Variants in RIPK1 observed in about 807,000 individuals in gnomAD.
RIPK1 encodes the protein receptor interacting serine/threonine kinase 1.
RIPK1 carries 27 observed loss-of-function variants against 62.4 expected under a neutral mutation model. The observed-to-expected ratio is 0.43, with a 90% CI of 0.32 to 0.60. RIPK1 has a LOEUF of 0.60. Ranked by LOEUF, RIPK1 falls within the 20% of genes least tolerant of loss-of-function variation. The pLI, the probability that RIPK1 is intolerant of heterozygous loss-of-function variation, is 0.07. For synonymous variants in RIPK1, 287 were observed against 303.2 expected, an observed-to-expected ratio of 0.95 and a Z score of 0.55; for missense variants, 735 against 831.0, an observed-to-expected ratio of 0.88 and a Z score of 1.42.
intron 9 of RIPK1, among the ~76,000 whole-genome samples, chr6:3,108,441 T>C (rs1760972617): frequency 6.6e-6 from 1 of 152,210 alleles, no homozygotes; most frequent in Non-Finnish European, 1.5e-5. Flanking sequence ...CAGAAAGCAC[T>C]GATTCAAGAA....
rs916038042 is a variant in RIPK1 at position 3,072,395 on chromosome 6, A to G, written c.-61+3734A>G. On this transcript the variant is annotated intron_variant, in intron 1 of 10. Transcript: ENST00000259808. This position sits in a 1 kb window ranked among gnomAD's most constrained non-coding sequence, Gnocchi z 5.6. ...CTTATATCTTTATCTATTTACATATATATATATATAAAACACACACAAATG... is the reference window on the plus strand; with the variant it reads ...CTTATATCTTTATCTATTTACATATGTATATATATAAAACACACACAAATG... Among the ~76,000 whole-genome samples the G allele has an allele frequency of 3.0e-5, 2 of 66,238 alleles. No individual in the cohort carries two copies. Among genetic ancestry groups the G allele is most frequent in the Admixed American group, 2.7e-4 (2 of 7,464 alleles). 43.5% of individuals were successfully genotyped at this position (66,238 alleles called of 152,430 possible). A position where few individuals can be genotyped will look rare whatever the true frequency, so the allele number is the denominator to read the frequency against.
intron 9 of RIPK1, among the ~76,000 whole-genome samples, chr6:3,107,042 G>A (rs540425261): frequency 3.9e-5 from 6 of 152,110 alleles, no homozygotes; most frequent in African/African-American, 1.4e-4. Flanking sequence ...CTTGAGGCCA[G>A]GAGTTCGAGA....
intron 6 of RIPK1, among the ~76,000 whole-genome samples, chr6:3,088,193 A>C (rs1759827954): frequency 6.6e-6 from 1 of 152,182 alleles, no homozygotes; most frequent in African/African-American, 2.4e-5. Context: ...ACAAGGGAAG[A>C]GTGGTGGCCA....
chr6:3,098,440 T>C (rs1223808383), intron 7 of RIPK1, among the ~76,000 whole-genome samples: 1 of 152,198 alleles, frequency 6.6e-6, no homozygotes, highest in African/African-American at 2.4e-5. Context: ...TGTCTAAACA[T>C]TGGCAAATAT....
At position 3,113,370 on chromosome 6, in the gene RIPK1, C is replaced by T. The variant is rs200498941; in HGVS notation, c.*31C>T. Reference sequence around the variant, plus strand: ...GATGGGCTACGGCAGCTGAAGTGGACGCCTCACTTAGTGGATAACCCCAGA... The same window carrying T: ...GATGGGCTACGGCAGCTGAAGTGGATGCCTCACTTAGTGGATAACCCCAGA... On this transcript the variant is annotated 3_prime_UTR_variant, in exon 11 of 11. Transcript: ENST00000259808. This position sits in a 1 kb window ranked among gnomAD's most constrained non-coding sequence, Gnocchi z 5.0. 3.7e-5 allele frequency: 59 copies of T among 1,592,844 alleles called. No individual in the cohort carries two copies. The East Asian group carries it at 4.5e-4, about 12-fold the overall frequency.
At chr6:3,083,432 G>C in intron 5 of RIPK1, 119 bp downstream of exon 5, 1 of 763,692 alleles carries the variant, frequency 1.3e-6, no homozygotes, top group Non-Finnish European at 2.1e-6. Flanking sequence ...TTAGGAATCA[G>C]TGATCATAGG....
intron 7 of RIPK1, among the ~76,000 whole-genome samples, chr6:3,099,112 CCA>C (rs1202067911): frequency 6.6e-6 from 1 of 152,084 alleles, no homozygotes; most frequent in Non-Finnish European, 1.5e-5. Context: ...GTTTCTTAAG[CCA>C]CACACAAAAT....
Position 3,077,820 on chromosome 6 carries a change from G to A in RIPK1, c.206G>A (p.Arg69Lys). Residue 69 changes from arginine to lysine, a missense_variant, in exon 3 of 11, where the codon AGA becomes AAA. By Grantham distance (26) the Arg-to-Lys change is conservative (BLOSUM62 2). Around this residue, in one of 2 missense-constraint regions of RIPK1, gnomAD observed 671 missense variants for 726.2 expected, o/e 0.92. Coordinates refer to ENST00000259808, the MANE Select transcript of RIPK1 (RefSeq NM_001354930.2). The stretch of plus-strand genomic sequence containing the variant: ...TTGGAGGAGGCGAAGATGATGAACA[G>A]ACTGAGACACAGCCGGGTGGTGAAG... ...ALLEEAKMMN[R>K]LRHSRVVKLL... The A allele has an allele frequency of 6.2e-7, 1 of 1,614,220 alleles. No homozygotes were observed. Among genetic ancestry groups the A allele is most frequent in the Non-Finnish European group, 8.5e-7 (1 of 1,180,034 alleles).
chr6:3,080,886 T>G, intron 3 of RIPK1, 93 bp from the exon 4 acceptor site: 1 of 1,269,290 alleles, frequency 7.9e-7, no homozygotes, highest in Non-Finnish European at 1.1e-6. Context: ...AACCTTCTCC[T>G]CAGGCTCAGA....
In RIPK1 at chr6:3,115,083, T is replaced by A. The variant is rs1761344139; in HGVS notation, c.*1744T>A. The A allele has an allele frequency of 6.6e-6, 1 of 152,136 alleles. No homozygotes were observed. The highest frequency in any genetic ancestry group is 2.1e-4 in the South Asian group (1 of 4,830). The allele number at this position is 152,136 out of a possible 1,614,324, so 9.4% of individuals were successfully genotyped here. On this transcript the variant is annotated 3_prime_UTR_variant, in exon 11 of 11. Transcript: ENST00000259808. The stretch of plus-strand genomic sequence containing the variant: ...GCTCCTTGTACCACCATCCAAATGG[T>A]GTTATCAAATCTCTTAGATTCCAAA...
chr6:3,098,234 T>A (rs1581422084), intron 7 of RIPK1, among the ~76,000 whole-genome samples: 1 of 152,090 alleles, frequency 6.6e-6, no homozygotes, highest in Admixed American at 6.6e-5. Flanking sequence ...AACACACACA[T>A]AACTGACAAA....
intron 1 of RIPK1, among the ~76,000 whole-genome samples, chr6:3,071,547 G>A (rs1758712785): frequency 6.6e-6 from 1 of 152,134 alleles, no homozygotes; most frequent in Non-Finnish European, 1.5e-5. Context: ...CATATAAGCT[G>A]CCTAAATTCA....
intron 1 of RIPK1, among the ~76,000 whole-genome samples, chr6:3,075,694 GGTT>G (rs893866579): frequency 6.6e-6 from 1 of 152,146 alleles, no homozygotes; most frequent in Non-Finnish European, 1.5e-5. Context: ...CCTGGCTTGA[GGTT>G]GTTGTTTGCT....
In RIPK1 at chr6:3,077,003, G is replaced by T; in HGVS notation, c.164+16G>T. On this transcript the variant is annotated intron_variant, in intron 2 of 10. Transcript: ENST00000259808. Reference sequence around the variant, plus strand: ...ACTGCATTGAGTGAGTAGGGAGCAGGGGTGGGTGGGCTAAGTTCTGAGCGG... The same window carrying T: ...ACTGCATTGAGTGAGTAGGGAGCAGTGGTGGGTGGGCTAAGTTCTGAGCGG... The T allele has an allele frequency of 6.3e-7, 1 of 1,588,548 alleles. No homozygotes were observed. The highest frequency in any genetic ancestry group is 8.6e-7 in the Non-Finnish European group (1 of 1,165,628).
upstream of RIPK1, chr6:3,068,178 T>A (rs1252569623): frequency 1.0e-6 from 1 of 980,820 alleles, no homozygotes; most frequent in Non-Finnish European, 1.2e-6. Flanking sequence ...CAGCCCCACT[T>A]TACAGATGAA....
At chr6:3,087,713 G>T (rs1759789788) in intron 6 of RIPK1, among the ~76,000 whole-genome samples, 1 of 151,848 alleles carries the variant, frequency 6.6e-6, no homozygotes, top group Admixed American at 6.6e-5. Flanking sequence ...CTAATTTTTT[G>T]TATTTTTAGT....
chr6:3,080,325 T>C (rs1273265563), intron 3 of RIPK1, among the ~76,000 whole-genome samples: 1 of 152,260 alleles, frequency 6.6e-6, no homozygotes, highest in African/African-American at 2.4e-5. Flanking sequence ...TCTGTTAGTA[T>C]TGATGCTCAC....
intron 7 of RIPK1, among the ~76,000 whole-genome samples, chr6:3,096,752 T>C (rs28513191): frequency 4.0e-5 from 6 of 149,504 alleles, no homozygotes; most frequent in Admixed American, 4.0e-4. Flanking sequence ...ATAGAGACGG[T>C]GTTTCACCGT....
At chr6:3,094,589 A>G (rs1010760451) in intron 7 of RIPK1, among the ~76,000 whole-genome samples, 1 of 149,462 alleles carries the variant, frequency 6.7e-6, no homozygotes, top group African/African-American at 2.4e-5. Context: ...TCATATATAT[A>G]TATATATATA....
Sources: allele counts gnomAD v4.1 joint callset (sites outside exome capture counted in the v4.1 genomes callset), GRCh38; gene constraint gnomAD v4.1.1; regional missense constraint gnomAD v4.1.1; non-coding constraint Gnocchi (gnomAD v3.1); transcripts MANE v1.5; gene names NCBI Gene and HGNC (gene_info 2026-07-23, HGNC 2026-07-21).